The following NEDD4L variants were observed in gnomAD, a reference collection of about 807,000 sequenced individuals.
NEDD4L encodes E3 ubiquitin-protein ligase NEDD4-like.
In NEDD4L, 54 loss-of-function variants were observed where a neutral mutation model predicts 148.9. The ratio of observed to expected loss-of-function variants is 0.36; its 90% CI spans 0.29 to 0.45. NEDD4L has a LOEUF of 0.45. Among genes scored for constraint, NEDD4L ranks in the 20% least tolerant of loss-of-function variants. The probability of loss-of-function intolerance (pLI) is 1.00; values close to 1 mark genes in which losing one functional copy is unlikely to be tolerated. For missense variants in NEDD4L, 856 were observed against 1,233.8 expected, an observed-to-expected ratio of 0.69 and a Z score of 4.59; for synonymous variants, 433 against 440.7, an observed-to-expected ratio of 0.98 and a Z score of 0.22.
intron 2 of NEDD4L, among the ~76,000 whole-genome samples, chr18:58,243,863 A>G (rs1292823878): frequency 6.6e-6 from 1 of 152,228 alleles, no homozygotes; most frequent in Non-Finnish European, 1.5e-5. Context: ...ATTTACTCAT[A>G]ATGGAGTATA....
At chr18:58,355,802 CTTT>C (rs58183149) in intron 18 of NEDD4L, among the ~76,000 whole-genome samples, 12 of 130,088 alleles carry the variant, frequency 9.2e-5, no homozygotes, top group Admixed American at 1.5e-4. Flanking sequence ...GCTTTGGTAG[CTTT>C]TTTTTTTTTT....
chr18:58,352,537 C>A (rs2145658734), intron 18 of NEDD4L, among the ~76,000 whole-genome samples: 1 of 152,136 alleles, frequency 6.6e-6, no homozygotes, highest in Admixed American at 6.5e-5. Context: ...CGTGCACCTG[C>A]AATCCCAGCT....
intron 2 of NEDD4L, chr18:58,189,930 A>G (rs983734270): frequency 6.6e-6 from 1 of 152,226 alleles, no homozygotes; most frequent in Admixed American, 6.5e-5. Flanking sequence ...TTATTGAAGT[A>G]GGTAAATGGA....
intron 5 of NEDD4L, among the ~76,000 whole-genome samples, chr18:58,281,252 A>C (rs1226758409): frequency 6.6e-6 from 1 of 151,562 alleles, no homozygotes; most frequent in Non-Finnish European, 1.5e-5. Context: ...TGCTGGGATT[A>C]CAAGTGTAAG....
intron 2 of NEDD4L, among the ~76,000 whole-genome samples, chr18:58,237,262 T>G (rs1255100855): frequency 6.6e-6 from 1 of 152,138 alleles, no homozygotes; most frequent in Admixed American, 6.5e-5. Context: ...TTGTGTATGG[T>G]GGATGCTCCT....
chr18:58,137,285 C>G (rs1286775179), intron 1 of NEDD4L, among the ~76,000 whole-genome samples: 1 of 152,152 alleles, frequency 6.6e-6, no homozygotes, highest in African/African-American at 2.4e-5. Flanking sequence ...AAGGCCCAAC[C>G]CATCTAAAAA....
chr18:58,049,763 G>T (rs550794645), intron 1 of NEDD4L, among the ~76,000 whole-genome samples: 1 of 152,078 alleles, frequency 6.6e-6, no homozygotes, highest in Non-Finnish European at 1.5e-5. Flanking sequence ...AATCACTTGA[G>T]TTCAGGAGTT....
intron 5 of NEDD4L, among the ~76,000 whole-genome samples, chr18:58,276,945 TTGA>T (rs559788695): frequency 9.4e-4 from 143 of 152,234 alleles, no homozygotes; most frequent in Admixed American, 3.4e-3. Flanking sequence ...TGTCCTGCTG[TTGA>T]TCAAACATTT....
chr18:58,111,498 A>G (rs1264401809), intron 1 of NEDD4L, among the ~76,000 whole-genome samples: 1 of 152,170 alleles, frequency 6.6e-6, no homozygotes, highest in African/African-American at 2.4e-5. Flanking sequence ...CATTTTGCCT[A>G]TTCTGGACAT....
intron 16 of NEDD4L, among the ~76,000 whole-genome samples, chr18:58,346,339 T>A (rs2043071132): frequency 6.6e-6 from 1 of 152,260 alleles, no homozygotes; most frequent in Non-Finnish European, 1.5e-5. Context: ...AGATTAGGGA[T>A]GCTGAAGTGG....
intron 2 of NEDD4L, chr18:58,194,095 A>T (rs955080319): frequency 6.6e-6 from 1 of 152,248 alleles, no homozygotes; most frequent in Non-Finnish European, 1.5e-5. Context: ...TGTGGGAAAG[A>T]ATGAAGGTTG....
intron 2 of NEDD4L, chr18:58,195,604 C>T (rs761048440): frequency 6.0e-6 from 8 of 1,344,222 alleles, no homozygotes; most frequent in East Asian, 4.6e-5. Flanking sequence ...GTTACCTGGC[C>T]GGGAGCTGGC....
chr18:58,206,196 C>G (rs1171256106), intron 2 of NEDD4L, among the ~76,000 whole-genome samples: 1 of 152,132 alleles, frequency 6.6e-6, no homozygotes, highest in East Asian at 1.9e-4. Flanking sequence ...CGGGACCAGC[C>G]TGACCAACGT....
intron 1 of NEDD4L, among the ~76,000 whole-genome samples, chr18:58,108,194 A>G (rs1364405721): frequency 6.6e-6 from 1 of 152,196 alleles, no homozygotes; most frequent in Non-Finnish European, 1.5e-5. Flanking sequence ...TTTGATAGGC[A>G]TTTGAGTCAT....
intron 5 of NEDD4L, among the ~76,000 whole-genome samples, chr18:58,267,260 C>T (rs2050348142): frequency 6.6e-6 from 1 of 151,964 alleles, no homozygotes; most frequent in African/African-American, 2.4e-5. Context: ...TTCCGGTTGC[C>T]CCTTAACTTG....
At chr18:58,152,582 A>G (rs1355871241) in intron 1 of NEDD4L, among the ~76,000 whole-genome samples, 1 of 152,208 alleles carries the variant, frequency 6.6e-6, no homozygotes, top group Non-Finnish European at 1.5e-5. Context: ...GTTTGTTTGA[A>G]TAGAACATTG....
chr18:58,363,295 A>G (rs2045720731), intron 19 of NEDD4L, among the ~76,000 whole-genome samples: 1 of 152,242 alleles, frequency 6.6e-6, no homozygotes, highest in African/African-American at 2.4e-5. Flanking sequence ...TGGAGATACT[A>G]GACTAAGGAT....
chr18:58,143,064 G>C (rs1435539442), intron 1 of NEDD4L, among the ~76,000 whole-genome samples: 2 of 152,178 alleles, frequency 1.3e-5, no homozygotes, highest in Non-Finnish European at 2.9e-5. Flanking sequence ...CTGGCCCCAA[G>C]TCCTGACTTG....
chr18:58,228,504 G>A (rs1055365841), intron 2 of NEDD4L, among the ~76,000 whole-genome samples: 2 of 152,248 alleles, frequency 1.3e-5, no homozygotes, highest in African/African-American at 4.8e-5. Context: ...ATAGTTCGTT[G>A]TAGGTTACAA....
Sources: gnomAD v4.1 joint callset for allele counts (sites outside exome capture counted in the v4.1 genomes callset) on GRCh38, gnomAD v4.1.1 for gene constraint, MANE v1.5 for transcripts, NCBI Gene and HGNC (gene_info 2026-07-23, HGNC 2026-07-21) for gene names.